Variants in DOCK1 observed in about 807,000 individuals in gnomAD.
DOCK1 encodes the protein dedicator of cytokinesis protein 1.
A neutral mutation model predicts 262.7 loss-of-function variants in DOCK1; 138 were observed. The ratio of observed to expected loss-of-function variants is 0.53; its 90% CI spans 0.46 to 0.61. The LOEUF (loss-of-function observed/expected upper bound fraction) is 0.61, where lower values mean the gene tolerates loss of function less well. Ranked by LOEUF, DOCK1 falls within the 20% of genes least tolerant of loss-of-function variation. DOCK1 has a pLI of 0.00. For synonymous variants in DOCK1, 866 were observed against 867.4 expected (o/e 1.00, Z 0.03); for missense variants, 1,908 against 2,370.7 (o/e 0.80, Z 4.05).
intron 6 of DOCK1, 93 bp downstream of exon 6, chr10:126,990,696 T>C (rs921615762): frequency 1.1e-5 from 16 of 1,420,452 alleles, no homozygotes; most frequent in African/African-American, 4.3e-5. Context: ...TATTTTATCA[T>C]AAAACAAAAT....
chr10:127,376,681 T>G lies in DOCK1; in HGVS notation c.3675+2467T>G, dbSNP rs76005565. 1.2e-3 allele frequency among the ~76,000 whole-genome samples: 182 copies of G among 152,336 alleles called. 1 individual carries two copies. Among genetic ancestry groups the G allele is most frequent in the African/African-American group, 4.3e-3 (179 of 41,568 alleles). The stretch of plus-strand genomic sequence containing the variant: ...AATCCTTCCCTACTATGGACATAAC[T>G]TTATAGTGTTCCTTCTAATCCTTAA... On this transcript the variant is annotated intron_variant, in intron 35 of 51. Coordinates refer to ENST00000623213, the MANE Select transcript of DOCK1 (RefSeq NM_001290223.2).
At chr10:127,438,409 G>T (rs2069842051) in intron 48 of DOCK1, among the ~76,000 whole-genome samples, 1 of 152,198 alleles carries the variant, frequency 6.6e-6, no homozygotes, top group African/African-American at 2.4e-5. Context: ...TGAGACAGCT[G>T]CCAGAGGTTA....
At chr10:127,171,531 GT>G (rs1450442662) in intron 27 of DOCK1, among the ~76,000 whole-genome samples, 1 of 152,108 alleles carries the variant, frequency 6.6e-6, no homozygotes, top group Non-Finnish European at 1.5e-5. Flanking sequence ...GGGCTCCGAG[GT>G]GCCTGCCCTC....
At chr10:127,223,147 C>T (rs1044599123) in intron 27 of DOCK1, among the ~76,000 whole-genome samples, 1 of 152,176 alleles carries the variant, frequency 6.6e-6, no homozygotes, top group South Asian at 2.1e-4. Context: ...TACTGAAAAT[C>T]TCTTTGAATT....
At chr10:127,098,803 C>T (rs917632860) in intron 23 of DOCK1, among the ~76,000 whole-genome samples, 3 of 152,098 alleles carry the variant, frequency 2.0e-5, no homozygotes, top group Admixed American at 6.5e-5. Flanking sequence ...TCCCCTGCTT[C>T]GTCTGTTGGG....
chr10:126,929,185 T>A (rs2033997174), intron 1 of DOCK1, among the ~76,000 whole-genome samples: 1 of 152,182 alleles, frequency 6.6e-6, no homozygotes, highest in African/African-American at 2.4e-5. Context: ...CCCAGAGGGT[T>A]AAGAGATGGT....
Position 127,231,241 on chromosome 10 carries a change from C to CTT in DOCK1, c.2848-16754_2848-16753dup, listed in dbSNP as rs3083935. 2.0e-3 allele frequency among the ~76,000 whole-genome samples: 284 copies of CTT among 144,122 alleles called. 1 individual carries two copies. The highest frequency in any genetic ancestry group is 0.01 in the East Asian group (51 of 4,892). The allele number at this position is 144,122 out of a possible 152,430, so 94.5% of individuals were successfully genotyped here. ...GCGAATGGGTAGACTGAATCCAAGG[C>CTT]TTTTTTTTTTTTTTAACATTTAAAT... On this transcript the variant is annotated intron_variant, in intron 27 of 51. Transcript: ENST00000623213.
chr10:127,034,449 G>T (rs909474854), intron 18 of DOCK1, among the ~76,000 whole-genome samples: 55 of 152,114 alleles, frequency 3.6e-4, no homozygotes, highest in African/African-American at 1.2e-3. Context: ...CCCACAACAC[G>T]TGGGAATTCA....
At chr10:126,922,822 A>G (rs2033333993) in intron 1 of DOCK1, among the ~76,000 whole-genome samples, 1 of 152,228 alleles carries the variant, frequency 6.6e-6, no homozygotes, top group South Asian at 2.1e-4. Context: ...TTAAAAAAAA[A>G]GATGAGGACC....
chr10:127,233,074 A>G (rs1357940258), intron 27 of DOCK1, among the ~76,000 whole-genome samples: 3 of 152,350 alleles, frequency 2.0e-5, no homozygotes, highest in Middle Eastern at 3.4e-3. Flanking sequence ...AATTTTATGT[A>G]TGAGGCAAAT....
At chr10:127,315,544 C>T (rs2062239113) in intron 29 of DOCK1, among the ~76,000 whole-genome samples, 2 of 152,140 alleles carry the variant, frequency 1.3e-5, no homozygotes, top group African/African-American at 4.8e-5. Flanking sequence ...TGAACTTCAG[C>T]CTCCAGAACT....
rs557659902 is a variant in DOCK1, at chr10:127,300,273, G to A, written c.3045-38733G>A. 4.7e-4 allele frequency among the ~76,000 whole-genome samples: 71 copies of A among 152,290 alleles called. No homozygotes were observed. The South Asian group carries it at 6.0e-3, about 13-fold the overall frequency. ...AGACAGATTAGAAGGCTTCTTTCGC[G>A]CTGCCTCTCCTGTGCGGCTTCTCTC... On this transcript the variant is annotated intron_variant, in intron 29 of 51. Coordinates refer to ENST00000623213, the MANE Select transcript of DOCK1 (RefSeq NM_001290223.2).
intron 6 of DOCK1, among the ~76,000 whole-genome samples, chr10:126,992,787 CAG>C (rs1333244375): frequency 3.0e-4 from 36 of 120,028 alleles, no homozygotes; most frequent in African/African-American, 9.7e-4. Flanking sequence ...CACACACACA[CAG>C]ACACACACAC....
chr10:126,925,457 C>T (rs1288635042), intron 1 of DOCK1, among the ~76,000 whole-genome samples: 1 of 152,196 alleles, frequency 6.6e-6, no homozygotes, highest in Non-Finnish European at 1.5e-5. Flanking sequence ...GATCTCAGCT[C>T]ACTGCAAACT....
chr10:127,436,345 C>T (rs2069682300), intron 48 of DOCK1, among the ~76,000 whole-genome samples: 1 of 152,034 alleles, frequency 6.6e-6, no homozygotes. Flanking sequence ...AACAAAACCC[C>T]ATCTCTACAA....
At chr10:126,987,449 A>G in intron 4 of DOCK1, 72 bp from the exon 5 acceptor site, 11 of 1,309,068 alleles carry the variant, frequency 8.4e-6, no homozygotes, top group Non-Finnish European at 1.1e-5. Context: ...CTAGATGTGA[A>G]ATTTACCAGG....
At chr10:127,436,623 C>CT (rs1016639025) in intron 48 of DOCK1, among the ~76,000 whole-genome samples, 9 of 131,058 alleles carry the variant, frequency 6.9e-5, no homozygotes, top group African/African-American at 1.9e-4. Flanking sequence ...TTTAACTAAT[C>CT]TTTTTTTTTC....
chr10:127,092,424 T>C (rs900098263), intron 23 of DOCK1, among the ~76,000 whole-genome samples: 2 of 151,574 alleles, frequency 1.3e-5, no homozygotes, highest in Non-Finnish European at 2.9e-5. Context: ...GGCAGGAGAG[T>C]GAGGGTTGTG....
At chr10:127,292,734 T>C (rs1005379146) in intron 29 of DOCK1, among the ~76,000 whole-genome samples, 1 of 152,178 alleles carries the variant, frequency 6.6e-6, no homozygotes, top group Non-Finnish European at 1.5e-5. Flanking sequence ...GTTGATCACA[T>C]TATTTAAGAA....
Sources: gnomAD v4.1 joint callset for allele counts (sites outside exome capture counted in the v4.1 genomes callset) on GRCh38, gnomAD v4.1.1 for gene constraint, MANE v1.5 for transcripts, NCBI Gene and HGNC (gene_info 2026-07-23, HGNC 2026-07-21) for gene names.